CD36: variants seen among roughly 807,000 people sequenced by gnomAD.
CD36 encodes the protein platelet glycoprotein 4.
In CD36, 119 loss-of-function variants were observed where a neutral mutation model predicts 55.2. The observed-to-expected ratio is 2.15, with a 90% CI of 1.86 to 2.51. The LOEUF (loss-of-function observed/expected upper bound fraction) is 2.51, where lower values mean the gene tolerates loss of function less well. Ranked by LOEUF, CD36 falls within the 30% of genes most tolerant of loss-of-function variation. The pLI is 0.00. For missense variants in CD36, 819 were observed against 555.5 expected (o/e 1.47, Z -4.77); for synonymous variants, 186 against 193.6 (o/e 0.96, Z 0.33).
intron 1 of CD36, among the ~76,000 whole-genome samples, chr7:80,640,241 T>C (rs1239922207): frequency 6.6e-6 from 1 of 152,022 alleles, no homozygotes. Context: ...TTTAATTCCA[T>C]ACATATATGA....
intron 1 of CD36, among the ~76,000 whole-genome samples, chr7:80,605,785 T>C (rs558464765): frequency 2.1e-4 from 32 of 152,312 alleles, no homozygotes; most frequent in African/African-American, 6.0e-4. Flanking sequence ...TGGGAAGACC[T>C]TTAATTTCTA....
chr7:80,635,915 T>C (rs1038643639), upstream of CD36, among the ~76,000 whole-genome samples: 6 of 152,172 alleles, frequency 3.9e-5, no homozygotes, highest in African/African-American at 1.4e-4. Context: ...ATTCAACTTA[T>C]TACCAACTAT....
rs1796060059 is a variant in CD36, at chr7:80,656,327, A to T, written c.121-213A>T. On this transcript the variant is annotated intron_variant, in intron 3 of 14. Transcript: ENST00000447544. ...GTCGTGTCTTCAGTATTACACACTG[A>T]TTCTCTTTGTAAAAGGCTAAAAAGA... 2.0e-5 allele frequency among the ~76,000 whole-genome samples: 3 copies of T among 152,192 alleles called. No homozygotes were observed. The South Asian group carries it at 6.2e-4, about 31-fold the overall frequency.
In CD36 at chr7:80,669,935, C is replaced by A; in HGVS notation, c.749-18C>A. ...ACACACATTACATCTAATCATTTGC[C>A]ACTCGATTTTTAAACAGATGCAGCC... On this transcript the variant is annotated intron_variant, in intron 8 of 14. Transcript: ENST00000447544. 1 of 1,587,472 alleles carries A rather than the reference C, an allele frequency of 6.3e-7. No homozygotes were observed.
chr7:80,636,819 T>C (rs1794445682), upstream of CD36: 1 of 152,108 alleles, frequency 6.6e-6, no homozygotes, highest in Non-Finnish European at 1.5e-5. Flanking sequence ...TTGACTCAGC[T>C]GTGTGCTTTC....
At chr7:80,612,510 G>A (rs1370634066) in intron 1 of CD36, among the ~76,000 whole-genome samples, 2 of 152,148 alleles carry the variant, frequency 1.3e-5, no homozygotes, top group African/African-American at 4.8e-5. Context: ...TAGATGAACA[G>A]CATGCTAATC....
intron 7 of CD36, among the ~76,000 whole-genome samples, chr7:80,665,198 CCT>C (rs1491198741): frequency 1.4e-5 from 2 of 147,790 alleles, no homozygotes; most frequent in Non-Finnish European, 3.0e-5. Context: ...GCCATTATTT[CCT>C]TTTTTTTTTT....
rs1488451401 is a variant in CD36, at chr7:80,679,228, G to A, written c.*2845G>A. The A allele has an allele frequency of 1.3e-5, 2 of 152,008 alleles. No individual in the cohort carries two copies. Among genetic ancestry groups the A allele is most frequent in the Admixed American group, 6.6e-5 (1 of 15,250 alleles). The allele number at this position is 152,008 out of a possible 1,614,324, so 9.4% of individuals were successfully genotyped here. On this transcript the variant is annotated 3_prime_UTR_variant, in exon 15 of 15. Coordinates refer to ENST00000447544, the MANE Select transcript of CD36 (RefSeq NM_001001548.3). Reference sequence around the variant, plus strand: ...TTCCTTTTGTGGCTCAAAGGTAGCTGCATTTTAAAATATTTGTGAAAATAA... The same window carrying A: ...TTCCTTTTGTGGCTCAAAGGTAGCTACATTTTAAAATATTTGTGAAAATAA...
rs1027936217 is a variant in CD36 at position 80,671,943 on chromosome 7, T to G, written c.1028T>G (p.Leu343Arg). 4.0e-5 allele frequency: 64 copies of G among 1,611,420 alleles called. No homozygotes were observed. Among genetic ancestry groups the G allele is most frequent in the South Asian group, 1.4e-4 (13 of 91,028 alleles). The change falls in exon 11 of 15, where the codon CTT becomes CGT. Residue 343 changes from leucine to arginine, a missense_variant. Physicochemically the swap from Leu to Arg is moderately radical, Grantham distance 102. Transcript: ENST00000447544. ...CKEGRPVYISLPHFLYASPDV... is the reference protein window; with the variant it reads ...CKEGRPVYISRPHFLYASPDV... Reference sequence around the variant, plus strand: ...TCAGGGAGACCTGTGTACATTTCACTTCCTCATTTTCTGTATGCAAGTCCT... The same window carrying G: ...TCAGGGAGACCTGTGTACATTTCACGTCCTCATTTTCTGTATGCAAGTCCT...
chr7:80,614,662 T>C (rs1252077333), intron 1 of CD36, among the ~76,000 whole-genome samples: 1 of 152,088 alleles, frequency 6.6e-6, no homozygotes, highest in Non-Finnish European at 1.5e-5. Context: ...ACTTCCCCGA[T>C]TCTGCCCTTC....
intron 3 of CD36, among the ~76,000 whole-genome samples, chr7:80,652,111 C>T (rs1795673674): frequency 6.6e-6 from 1 of 151,844 alleles, no homozygotes; most frequent in Admixed American, 6.6e-5. Flanking sequence ...AACGTAAGAA[C>T]AACCCAAAAT....
intron 9 of CD36, chr7:80,670,273 C>G: frequency 2.1e-6 from 1 of 474,732 alleles, no homozygotes; most frequent in Non-Finnish European, 3.8e-6. Context: ...TCCAGAAGGG[C>G]GTGCCCAATC....
chr7:80,643,959 T>C (rs1250519607), intron 1 of CD36, among the ~76,000 whole-genome samples: 1 of 152,198 alleles, frequency 6.6e-6, no homozygotes, highest in African/African-American at 2.4e-5. Flanking sequence ...TAAAATATTA[T>C]GTACCTAATA....
chr7:80,622,454 A>C (rs1461770287), intron 1 of CD36, among the ~76,000 whole-genome samples: 1 of 152,258 alleles, frequency 6.6e-6, no homozygotes, highest in East Asian at 1.9e-4. Flanking sequence ...ATACTGTCTC[A>C]AACATTACAG....
chr7:80,662,715 T>G (rs3211898), intron 5 of CD36: 239 of 420,246 alleles, frequency 5.7e-4, no homozygotes, highest in African/African-American at 4.7e-3. Flanking sequence ...TATGCCTTAA[T>G]GCATTAGATA....
intron 3 of CD36, among the ~76,000 whole-genome samples, chr7:80,647,458 G>A (rs974298378): frequency 3.9e-5 from 6 of 152,042 alleles, no homozygotes; most frequent in Admixed American, 2.6e-4. Context: ...GAAATATGCA[G>A]AACATGTCTT....
Position 80,621,268 on chromosome 7 carries a change from G to A in CD36, c.-184+18889G>A, listed in dbSNP as rs138071124. Among the ~76,000 whole-genome samples, 413 of 152,270 alleles carry A rather than the reference G, an allele frequency of 2.7e-3. 3 individuals carry two copies. Among genetic ancestry groups the A allele is most frequent in the African/African-American group, 9.2e-3 (381 of 41,564 alleles). On this transcript the variant is annotated intron_variant, in intron 1 of 13. Transcript: ENST00000309881. The stretch of plus-strand genomic sequence containing the variant: ...CTATGCAGTGGGAAACAAAATTTGT[G>A]TGACTCAGTTTATTGTGATATTCAC...
chr7:80,659,716 ATTG>A (rs1312833141), intron 4 of CD36, among the ~76,000 whole-genome samples: 2 of 152,058 alleles, frequency 1.3e-5, no homozygotes, highest in Non-Finnish European at 2.9e-5. Context: ...TTATGTTGCT[ATTG>A]TTTTAATATA....
chr7:80,670,938 C>A, intron 9 of CD36, 39 bp from the exon 10 acceptor site: 1 of 1,384,832 alleles, frequency 7.2e-7, no homozygotes. Context: ...AATGTAAGTT[C>A]AGGTTCCTGG....
Sources: gnomAD v4.1 joint callset for allele counts (sites outside exome capture counted in the v4.1 genomes callset) on GRCh38, gnomAD v4.1.1 for gene constraint, MANE v1.5 for transcripts, NCBI Gene and HGNC (gene_info 2026-07-23, HGNC 2026-07-21) for gene names.